MAML1: variants seen among roughly 807,000 people sequenced by gnomAD.
The protein encoded by MAML1 is mastermind like transcriptional coactivator 1.
In MAML1, 14 loss-of-function variants were observed where a neutral mutation model predicts 77.1. The observed-to-expected ratio is 0.18, with a 90% CI of 0.12 to 0.28. The LOEUF is 0.28. Among genes scored for constraint, MAML1 ranks in the 10% least tolerant of loss-of-function variants. The probability of loss-of-function intolerance (pLI) is 1.00; values close to 1 mark genes in which losing one functional copy is unlikely to be tolerated. For synonymous variants in MAML1, 516 were observed against 551.9 expected, an observed-to-expected ratio of 0.93 and a Z score of 0.91; for missense variants, 1,217 against 1,327.8, an observed-to-expected ratio of 0.92 and a Z score of 1.30.
Position 179,776,470 on chromosome 5 carries a change from C to T in MAML1, c.*1593C>T, listed in dbSNP as rs1272479651. On this transcript the variant is annotated 3_prime_UTR_variant, in exon 5 of 5. Transcript: ENST00000292599. Reference sequence around the variant, plus strand: ...CTTCTTTTCTAATAGCCATTTGCCACCCCAAGTGGTATGTCGGCCATTTCT... The same window carrying T: ...CTTCTTTTCTAATAGCCATTTGCCATCCCAAGTGGTATGTCGGCCATTTCT... 2 of 985,708 alleles carry T rather than the reference C, an allele frequency of 2.0e-6. No homozygotes were observed. The highest frequency in any genetic ancestry group is 2.4e-6 in the Non-Finnish European group (2 of 829,950). 61.1% of individuals were successfully genotyped at this position (985,708 alleles called of 1,614,324 possible).
chr5:179,753,034 A>G (rs1240719801), intron 1 of MAML1, among the ~76,000 whole-genome samples: 1 of 152,132 alleles, frequency 6.6e-6, no homozygotes, highest in Non-Finnish European at 1.5e-5. Flanking sequence ...TGGCCTCCCA[A>G]AGTGCTGGGA....
At position 179,776,848 on chromosome 5, in the gene MAML1, G is replaced by A; in HGVS notation, c.*1971G>A. ...GGGGTCCCCCCAGGGAGCTGCCCAT[G>A]GCTTTATTTATGAACCTGGTTTTCG... On this transcript the variant is annotated 3_prime_UTR_variant, in exon 5 of 5. Coordinates refer to ENST00000292599, the MANE Select transcript of MAML1 (RefSeq NM_014757.5). 1.0e-6 allele frequency: 1 copy of A among 985,938 alleles called. No individual in the cohort carries two copies. Among genetic ancestry groups the A allele is most frequent in the African/African-American group, 1.7e-5 (1 of 57,376 alleles). 61.1% of individuals were successfully genotyped at this position (985,938 alleles called of 1,614,324 possible).
intron 1 of MAML1, among the ~76,000 whole-genome samples, chr5:179,754,118 T>C (rs1779565959): frequency 6.6e-6 from 1 of 151,840 alleles, no homozygotes; most frequent in Non-Finnish European, 1.5e-5. Context: ...ACCCCATCTC[T>C]AAAAAAATGC....
chr5:179,773,234 C>T (rs1756042801), intron 4 of MAML1, among the ~76,000 whole-genome samples: 1 of 152,222 alleles, frequency 6.6e-6, no homozygotes, highest in South Asian at 2.1e-4. Flanking sequence ...CTGGCCGGAA[C>T]TAGCTCTTCC....
Position 179,775,609 on chromosome 5 carries a change from C to G in MAML1, c.*732C>G. On this transcript the variant is annotated 3_prime_UTR_variant, in exon 5 of 5. Coordinates refer to ENST00000292599, the MANE Select transcript of MAML1 (RefSeq NM_014757.5). ...GCTCCTCCTCCTCCCTCCCAAGGCC[C>G]CCAGGAATCCCTTCCTCCCATGTCC... is the stretch of plus-strand genomic sequence containing the variant. 1.0e-6 allele frequency: 1 copy of G among 985,458 alleles called. No homozygotes were observed. Among genetic ancestry groups the G allele is most frequent in the East Asian group, 1.1e-4 (1 of 8,806 alleles). 61.0% of individuals were successfully genotyped at this position (985,458 alleles called of 1,614,324 possible). A position where few individuals can be genotyped will look rare whatever the true frequency, so the allele number is the denominator to read the frequency against.
At chr5:179,767,697 C>G (rs1779847917) in intron 2 of MAML1, among the ~76,000 whole-genome samples, 1 of 152,202 alleles carries the variant, frequency 6.6e-6, no homozygotes, top group Admixed American at 6.5e-5. Flanking sequence ...CTCAGCTGCA[C>G]ACAGTGAGGG....
intron 1 of MAML1, among the ~76,000 whole-genome samples, chr5:179,762,104 TC>T (rs1779735257): frequency 1.3e-5 from 2 of 152,336 alleles, no homozygotes; most frequent in South Asian, 4.1e-4. Flanking sequence ...AGCAGCTGTG[TC>T]TGTCAGCTCA....
intron 1 of MAML1, among the ~76,000 whole-genome samples, chr5:179,761,568 G>A (rs143742453): frequency 9.9e-5 from 15 of 152,178 alleles, no homozygotes; most frequent in Middle Eastern, 3.4e-3. Context: ...GGTGGTGCAC[G>A]CCTGTAATCC....
chr5:179,748,607 C>G (rs1404860545), intron 1 of MAML1, among the ~76,000 whole-genome samples: 1 of 152,142 alleles, frequency 6.6e-6, no homozygotes, highest in Admixed American at 6.5e-5. Flanking sequence ...AGAGAGAAAA[C>G]AAGGTGGGAA....
At position 179,769,185 on chromosome 5, in the gene MAML1, T is replaced by G; in HGVS notation, c.1971+96T>G. On this transcript the variant is annotated intron_variant, in intron 3 of 4. Coordinates refer to ENST00000292599, the MANE Select transcript of MAML1 (RefSeq NM_014757.5). The surrounding 1 kb of genome is among the most constrained non-coding windows in gnomAD (Gnocchi z 4.2). ...CACCTTCTGCTTGTGCGTGTGGATT[T>G]GCGCAGACTTGCGTGCCTGTTGTTA... The G allele has an allele frequency of 6.6e-7, 1 of 1,511,480 alleles. No homozygotes were observed. Among genetic ancestry groups the G allele is most frequent in the Non-Finnish European group, 9.0e-7 (1 of 1,113,252 alleles). 93.6% of individuals were successfully genotyped at this position (1,511,480 alleles called of 1,614,324 possible). A position where few individuals can be genotyped will look rare whatever the true frequency, so the allele number is the denominator to read the frequency against.
At chr5:179,773,016 G>A (rs1409464030) in intron 4 of MAML1, among the ~76,000 whole-genome samples, 10 of 152,320 alleles carry the variant, frequency 6.6e-5, no homozygotes, top group Non-Finnish European at 8.8e-5. Context: ...TCAGCCTCCC[G>A]AGTAGCTGGG....
At chr5:179,741,628 G>C (rs565423074) in intron 1 of MAML1, among the ~76,000 whole-genome samples, 4 of 149,980 alleles carry the variant, frequency 2.7e-5, no homozygotes, top group African/African-American at 9.9e-5. Context: ...CGAGGTTGTC[G>C]TGAGCTGAGA....
At chr5:179,756,433 T>A (rs1779618705) in intron 1 of MAML1, among the ~76,000 whole-genome samples, 1 of 99,294 alleles carries the variant, frequency 1.0e-5, no homozygotes, top group Non-Finnish European at 2.2e-5. Flanking sequence ...GGACTCTGTC[T>A]CAAAAAAAAA....
In MAML1 at chr5:179,776,820, C is replaced by T. The variant is rs767352713; in HGVS notation, c.*1943C>T. 6 of 985,964 alleles carry T rather than the reference C, an allele frequency of 6.1e-6. No homozygotes were observed. The highest frequency in any genetic ancestry group is 7.2e-6 in the Non-Finnish European group (6 of 829,996). The allele number at this position is 985,964 out of a possible 1,614,324, so 61.1% of individuals were successfully genotyped here. ...AGTGTCATAGCAATAAAATGTGATT[C>T]TTGGGGTCCCCCCAGGGAGCTGCCC... is the stretch of plus-strand genomic sequence containing the variant. On this transcript the variant is annotated 3_prime_UTR_variant, in exon 5 of 5. Coordinates refer to ENST00000292599, the MANE Select transcript of MAML1 (RefSeq NM_014757.5).
intron 1 of MAML1, among the ~76,000 whole-genome samples, chr5:179,757,275 A>T (rs1182609246): frequency 4.6e-5 from 7 of 152,068 alleles, no homozygotes; most frequent in Non-Finnish European, 2.9e-5. Context: ...TATTAGAATT[A>T]TAGCAATGTG....
intron 1 of MAML1, among the ~76,000 whole-genome samples, chr5:179,763,219 C>CT (rs1202181829): frequency 6.6e-6 from 1 of 152,232 alleles, no homozygotes; most frequent in African/African-American, 2.4e-5. Context: ...TTTATTTCCT[C>CT]TGACCATTTA....
rs918380817 is a variant in MAML1, at chr5:179,774,541, A to T, written c.2715A>T (p.Pro905=). 7.4e-6 allele frequency: 12 copies of T among 1,612,978 alleles called. No homozygotes were observed. Among genetic ancestry groups the T allele is most frequent in the Non-Finnish European group, 1.0e-5 (12 of 1,179,948 alleles). ...SAAAVGSLLP[P]VSAQQRTSAP... is the part of the protein sequence containing the mutation. ...CTGCCGTGGGGTCCTTGCTACCCCC[A>T]GTGAGTGCACAGCAGAGGACCAGCG... The change falls in exon 5 of 5, where the codon CCA becomes CCT. Residue 905 remains proline, a synonymous_variant. Coordinates refer to ENST00000292599, the MANE Select transcript of MAML1 (RefSeq NM_014757.5).
intron 1 of MAML1, among the ~76,000 whole-genome samples, chr5:179,742,163 G>A (rs139075120): frequency 0.014 from 1,996 of 144,530 alleles, 37 homozygotes; most frequent in African/African-American, 0.047. Context: ...GTGAGCCACC[G>A]CACCTGGCCA....
chr5:179,747,139 G>C (rs1779397636), intron 1 of MAML1, among the ~76,000 whole-genome samples: 1 of 152,220 alleles, frequency 6.6e-6, no homozygotes, highest in Non-Finnish European at 1.5e-5. Context: ...TTACAGATGT[G>C]TGCCAATGCA....
Sources: gnomAD v4.1 joint callset for allele counts (sites outside exome capture counted in the v4.1 genomes callset) on GRCh38, gnomAD v4.1.1 for gene constraint, Gnocchi (gnomAD v3.1) non-coding constraint, MANE v1.5 for transcripts, NCBI Gene and HGNC (gene_info 2026-07-23, HGNC 2026-07-21) for gene names.